BRIP1: variants seen among roughly 807,000 people sequenced by gnomAD.
BRIP1 encodes the protein Fanconi anemia group J protein.
BRIP1 carries 88 observed loss-of-function variants against 119.7 expected under a neutral mutation model. The observed-to-expected ratio is 0.74, with a 90% CI of 0.62 to 0.88. BRIP1 has a LOEUF of 0.88. BRIP1 is among the 40% of genes least tolerant of loss of function. BRIP1 has a pLI of 0.00. For synonymous variants in BRIP1, 443 were observed against 496.5 expected (o/e 0.89, Z 1.43); for missense variants, 1,259 against 1,455.4 (o/e 0.87, Z 2.20).
In BRIP1 at chr17:61,834,089, T is replaced by C. The variant is rs1008672397; in HGVS notation, c.627+13012A>G. Among the ~76,000 whole-genome samples the C allele has an allele frequency of 4.6e-5, 7 of 152,134 alleles. No homozygotes were observed. The highest frequency in any genetic ancestry group is 1.7e-4 in the African/African-American group (7 of 41,416). The stretch of plus-strand genomic sequence containing the variant: ...CAGGCAGCAGGCTGTATTCTGCCCA[T>C]GGGTCATAGTTTGCCAACCACTGGC... On this transcript the variant is annotated intron_variant, in intron 6 of 19. Coordinates refer to ENST00000259008, the MANE Select transcript of BRIP1 (RefSeq NM_032043.3). This position sits in a 1 kb window ranked among gnomAD's most constrained non-coding sequence, Gnocchi z 4.4.
At chr17:61,772,567 C>T (rs1440075438) in intron 14 of BRIP1, among the ~76,000 whole-genome samples, 1 of 151,992 alleles carries the variant, frequency 6.6e-6, no homozygotes, top group Admixed American at 6.6e-5. Flanking sequence ...GCCTGTAATC[C>T]CAGCACTTTG....
At position 61,784,304 on chromosome 17, in the gene BRIP1, T is replaced by C. The variant is rs876658383; in HGVS notation, c.1594A>G (p.Met532Val). The change falls in exon 11 of 20, where the codon ATG becomes GTG. Residue 532 changes from methionine to valine, a missense_variant. Physicochemically the swap from Met to Val is conservative, Grantham distance 21. Transcript: ENST00000259008. ...TGCCTAAAAAGATAGTCAAGTACCA[T>C]AAAAAGTCCTTTAAGCATTATTTGA... ...STQIMLKGLF[M>V]VLDYLFRQNS... is the part of the protein sequence containing the mutation. 1.9e-6 allele frequency: 3 copies of C among 1,613,148 alleles called. No individual in the cohort carries two copies. Among genetic ancestry groups the C allele is most frequent in the East Asian group, 4.5e-5 (2 of 44,816 alleles).
chr17:61,859,082 G>A (rs998478968), intron 3 of BRIP1, among the ~76,000 whole-genome samples: 5 of 150,910 alleles, frequency 3.3e-5, no homozygotes, highest in Non-Finnish European at 1.5e-5. Context: ...AAAGTAGTGG[G>A]AAGTAATATA....
At chr17:61,777,835 T>A (rs767438679) in intron 13 of BRIP1, among the ~76,000 whole-genome samples, 13 of 151,070 alleles carry the variant, frequency 8.6e-5, no homozygotes, top group Non-Finnish European at 1.8e-4. Flanking sequence ...CCACTGGCCA[T>A]TAAGATAAAC....
At chr17:61,694,238 C>G (rs2061491247) in intron 17 of BRIP1, among the ~76,000 whole-genome samples, 1 of 152,098 alleles carries the variant, frequency 6.6e-6, no homozygotes, top group South Asian at 2.1e-4. Context: ...CTAATTGTTA[C>G]TCCAAATTAT....
intron 6 of BRIP1, among the ~76,000 whole-genome samples, chr17:61,826,731 T>TAAAAAA (rs58466965): frequency 6.6e-5 from 5 of 75,316 alleles, no homozygotes; most frequent in Admixed American, 3.5e-4. Flanking sequence ...TATTAAAAAG[T>TAAAAAA]AAAAAAAAAA....
chr17:61,711,056 C>CA (rs2061765690), intron 17 of BRIP1, among the ~76,000 whole-genome samples: 1 of 149,144 alleles, frequency 6.7e-6, no homozygotes, highest in African/African-American at 2.5e-5. Flanking sequence ...AAAACAAACC[C>CA]AAAAAAACCC....
Position 61,776,548 on chromosome 17 carries a change from G to A in BRIP1, c.1950C>T (p.Thr650=), listed in dbSNP as rs1603328999. The A allele has an allele frequency of 6.2e-7, 1 of 1,613,974 alleles. No homozygotes were observed. Among genetic ancestry groups the A allele is most frequent in the Non-Finnish European group, 8.5e-7 (1 of 1,179,944 alleles). Residue 650 remains threonine, a synonymous_variant, in exon 14 of 20, where the codon ACC becomes ACT. Coordinates refer to ENST00000259008, the MANE Select transcript of BRIP1 (RefSeq NM_032043.3). The surrounding 1 kb of genome is among the most constrained non-coding windows in gnomAD (Gnocchi z 5.0). ...TCCGACCCTTGGGGCCTGACCCAAT[G>A]GTACCAACCCAAACCTAGAATATGA... The part of the protein sequence containing the change: ...IIKNSQVWVG[T]IGSGPKGRNL...
intron 16 of BRIP1, among the ~76,000 whole-genome samples, chr17:61,741,233 T>G (rs1295478384): frequency 6.6e-6 from 1 of 152,230 alleles, no homozygotes; most frequent in East Asian, 1.9e-4. Context: ...AGTCACGTCT[T>G]AAGCTCCACT....
intron 17 of BRIP1, among the ~76,000 whole-genome samples, chr17:61,702,219 C>G (rs564285983): frequency 6.6e-6 from 1 of 152,084 alleles, no homozygotes; most frequent in Non-Finnish European, 1.5e-5. Flanking sequence ...ACATCTTCAT[C>G]TATGTTTCAG....
At chr17:61,858,070 T>C (rs2078922170) in intron 3 of BRIP1, among the ~76,000 whole-genome samples, 1 of 152,172 alleles carries the variant, frequency 6.6e-6, no homozygotes, top group Non-Finnish European at 1.5e-5. Context: ...AAGGTCAATA[T>C]TCAAATCAAT....
rs1170679632 is a variant in BRIP1 at position 61,689,546 on chromosome 17, G to C, written c.2576-3381C>G. Among the ~76,000 whole-genome samples, 1 of 152,024 alleles carries C rather than the reference G, an allele frequency of 6.6e-6. No homozygotes were observed. Among genetic ancestry groups the C allele is most frequent in the Middle Eastern group, 3.2e-3 (1 of 316 alleles). On this transcript the variant is annotated intron_variant, in intron 18 of 19. Coordinates refer to ENST00000259008, the MANE Select transcript of BRIP1 (RefSeq NM_032043.3). This position sits in a 1 kb window ranked among gnomAD's most constrained non-coding sequence, Gnocchi z 4.5. ...ATGACCGAAAACTTAATAAACCTGG[G>C]GGGAGGAAAATGACATCCAAATACA...
rs530683397 is a variant in BRIP1, at chr17:61,744,804, AGCT to A, written c.2098-216_2098-214del. On this transcript the variant is annotated intron_variant, in intron 14 of 19. Transcript: ENST00000259008. This position sits in a 1 kb window ranked among gnomAD's most constrained non-coding sequence, Gnocchi z 5.0. ...AGATCTGAATGGTGCTGGCACAGTT[AGCT>A]GCTGCTGCTGCTACTACTACTATTA... is the stretch of plus-strand genomic sequence containing the variant. 6.6e-6 allele frequency among the ~76,000 whole-genome samples: 1 copy of A among 151,822 alleles called. No individual in the cohort carries two copies. Among genetic ancestry groups the A allele is most frequent in the African/African-American group, 2.4e-5 (1 of 41,352 alleles).
In BRIP1 at chr17:61,748,866, A is replaced by G. The variant is rs372455138; in HGVS notation, c.2098-4275T>C. 1.3e-4 allele frequency among the ~76,000 whole-genome samples: 20 copies of G among 152,254 alleles called. No homozygotes were observed. Among genetic ancestry groups the G allele is most frequent in the African/African-American group, 4.8e-4 (20 of 41,468 alleles). ...AGATTTCAAACTGTTGGCTGGGCGCAGTGGCTCATGCCTGTAATCCCAGCA... is the reference window on the plus strand; with the variant it reads ...AGATTTCAAACTGTTGGCTGGGCGCGGTGGCTCATGCCTGTAATCCCAGCA... On this transcript the variant is annotated intron_variant, in intron 14 of 19. Transcript: ENST00000259008. The surrounding 1 kb of genome is among the most constrained non-coding windows in gnomAD (Gnocchi z 4.7).
rs1434716993 is a variant in BRIP1 at position 61,759,970 on chromosome 17, A to G, written c.2098-15379T>C. Among the ~76,000 whole-genome samples, 2 of 151,970 alleles carry G rather than the reference A, an allele frequency of 1.3e-5. No homozygotes were observed. The highest frequency in any genetic ancestry group is 1.3e-4 in the Admixed American group (2 of 15,236). On this transcript the variant is annotated intron_variant, in intron 14 of 19. Coordinates refer to ENST00000259008, the MANE Select transcript of BRIP1 (RefSeq NM_032043.3). The surrounding 1 kb of genome is among the most constrained non-coding windows in gnomAD (Gnocchi z 4.9). ...AAGGTATTCCTGTACAGAATATCCC[A>G]TTCAAGAGCAACAGAATACACATTC...
Position 61,786,963 on chromosome 17 carries a change from TATATTTATATTTATAAATTTA to T in BRIP1, c.1474-2560_1474-2540del, listed in dbSNP as rs1439613772. On this transcript the variant is annotated intron_variant, in intron 10 of 19. Coordinates refer to ENST00000259008, the MANE Select transcript of BRIP1 (RefSeq NM_032043.3). Reference sequence around the variant, plus strand: ...ATATTTATATATAATATATTTATATTATATTTATATTTATAAATTTATATAAATTTATAAATAATTTTATAA... The same window carrying T: ...ATATTTATATATAATATATTTATATTTATAAATTTATAAATAATTTTATAA... Among the ~76,000 whole-genome samples, 62 of 52,992 alleles carry T rather than the reference TATATTTATATTTATAAATTTA, an allele frequency of 1.2e-3. No individual in the cohort carries two copies. The South Asian group carries it at 0.014, about 12-fold the overall frequency. 34.8% of individuals were successfully genotyped at this position (52,992 alleles called of 152,430 possible).
At chr17:61,718,150 T>G (rs1030604934) in intron 16 of BRIP1, among the ~76,000 whole-genome samples, 1 of 152,220 alleles carries the variant, frequency 6.6e-6, no homozygotes, top group Non-Finnish European at 1.5e-5. Flanking sequence ...TCCTCTGTAT[T>G]ATGGGTTAAA....
rs75995326 is a variant in BRIP1 at position 61,853,246 on chromosome 17, G to A, written c.379+3812C>T. Among the ~76,000 whole-genome samples the A allele has an allele frequency of 6.9e-6, 1 of 144,802 alleles. No individual in the cohort carries two copies. Among genetic ancestry groups the A allele is most frequent in the Non-Finnish European group, 1.5e-5 (1 of 66,168 alleles). 95.0% of individuals were successfully genotyped at this position (144,802 alleles called of 152,430 possible). A position where few individuals can be genotyped will look rare whatever the true frequency, so the allele number is the denominator to read the frequency against. On this transcript the variant is annotated intron_variant, in intron 4 of 19. Transcript: ENST00000259008. The surrounding 1 kb of genome is among the most constrained non-coding windows in gnomAD (Gnocchi z 4.3). ...ATATATAATTCCATTTTTTTTTTTT[G>A]AGATGGAGTTTCACTCTATTTCTGT...
At chr17:61,830,112 A>T (rs559149512) in intron 6 of BRIP1, among the ~76,000 whole-genome samples, 1 of 151,536 alleles carries the variant, frequency 6.6e-6, no homozygotes, top group African/African-American at 2.4e-5. Context: ...GTTTGTATTT[A>T]TAATAGAGAC....
Sources: gnomAD v4.1 joint callset for allele counts (sites outside exome capture counted in the v4.1 genomes callset) on GRCh38, gnomAD v4.1.1 for gene constraint, Gnocchi (gnomAD v3.1) non-coding constraint, MANE v1.5 for transcripts, NCBI Gene and HGNC (gene_info 2026-07-23, HGNC 2026-07-21) for gene names.